Variants in SOX6 observed in about 807,000 individuals in gnomAD.
SOX6 encodes the protein SRY-box transcription factor 6.
A neutral mutation model predicts 97.8 loss-of-function variants in SOX6; 11 were observed. That is an observed-to-expected ratio of 0.11 (90% CI 0.07 to 0.19). The LOEUF is 0.19. Among genes scored for constraint, SOX6 ranks in the 10% least tolerant of loss-of-function variants. SOX6 has a pLI of 1.00. For missense variants in SOX6, 810 were observed against 1,039.5 expected, an observed-to-expected ratio of 0.78 and a Z score of 3.04; for synonymous variants, 360 against 371.4, an observed-to-expected ratio of 0.97 and a Z score of 0.35.
At chr11:16,349,203 GATTTAAGACATTCAA>G (rs1404734989) in intron 1 of SOX6, among the ~76,000 whole-genome samples, 1 of 152,072 alleles carries the variant, frequency 6.6e-6, no homozygotes, top group African/African-American at 2.4e-5. Context: ...ACTAACTCAA[GATTTAAGACATTCAA>G]ATTTATATCA....
chr11:16,708,231 C>G (rs146344668), intron 3 of SOX6, among the ~76,000 whole-genome samples: 2 of 152,074 alleles, frequency 1.3e-5, no homozygotes, highest in Non-Finnish European at 2.9e-5. Flanking sequence ...ATTGATCTTA[C>G]GTTTGTTTAT....
rs115171160 is a variant in SOX6, at chr11:16,123,594, G to C, written c.778-11671C>G. On this transcript the variant is annotated intron_variant, in intron 6 of 15. Transcript: ENST00000683767. Reference sequence around the variant, plus strand: ...TCTTTATCACAGTCTCGTCATTTTAGAGTACAAAGCTAATGACATGCACAG... The same window carrying C: ...TCTTTATCACAGTCTCGTCATTTTACAGTACAAAGCTAATGACATGCACAG... Among the ~76,000 whole-genome samples, 231 of 152,090 alleles carry C rather than the reference G, an allele frequency of 1.5e-3. 1 individual carries two copies. Among genetic ancestry groups the C allele is most frequent in the African/African-American group, 5.2e-3 (214 of 41,522 alleles).
At chr11:16,038,571 A>G (rs1855576290) in intron 12 of SOX6, among the ~76,000 whole-genome samples, 2 of 152,302 alleles carry the variant, frequency 1.3e-5, no homozygotes, top group South Asian at 2.1e-4. Context: ...AAATCATTTA[A>G]TTCTCAAATC....
At chr11:16,673,356 T>G (rs1211659877) in intron 3 of SOX6, among the ~76,000 whole-genome samples, 1 of 152,026 alleles carries the variant, frequency 6.6e-6, no homozygotes, top group Non-Finnish European at 1.5e-5. Flanking sequence ...TTGACAAATC[T>G]TTAGCCAGAC....
intron 13 of SOX6, among the ~76,000 whole-genome samples, chr11:16,009,871 G>A (rs544837151): frequency 6.6e-5 from 10 of 152,014 alleles, no homozygotes; most frequent in East Asian, 3.9e-4. Flanking sequence ...TGAATGAGTC[G>A]TGTATCATAG....
chr11:16,293,299 A>AT (rs1377786876), intron 3 of SOX6, among the ~76,000 whole-genome samples: 1 of 152,154 alleles, frequency 6.6e-6, no homozygotes, highest in African/African-American at 2.4e-5. Flanking sequence ...AGACACCGGA[A>AT]TTTAACTGTT....
At chr11:16,653,034 T>C (rs1847674148) in intron 3 of SOX6, among the ~76,000 whole-genome samples, 1 of 152,094 alleles carries the variant, frequency 6.6e-6, no homozygotes, top group Non-Finnish European at 1.5e-5. Context: ...TCACTAATTA[T>C]CAGGGAAATA....
At chr11:16,481,802 G>A (rs1860347714) in intron 4 of SOX6, among the ~76,000 whole-genome samples, 1 of 151,964 alleles carries the variant, frequency 6.6e-6, no homozygotes, top group Non-Finnish European at 1.5e-5. Context: ...ATTATTGAGG[G>A]TCACAAAGAG....
intron 3 of SOX6, among the ~76,000 whole-genome samples, chr11:16,650,182 A>C: frequency 6.6e-6 from 1 of 152,192 alleles, no homozygotes; most frequent in South Asian, 2.1e-4. Flanking sequence ...ACACACTAAT[A>C]GTGGGGGACT....
chr11:16,528,227 T>A (rs538658405), intron 4 of SOX6, among the ~76,000 whole-genome samples: 1 of 152,224 alleles, frequency 6.6e-6, no homozygotes, highest in East Asian at 1.9e-4. Context: ...AAGGAGGAAA[T>A]ATACTTACTC....
At chr11:16,088,112 T>C (rs780344980) in intron 9 of SOX6, among the ~76,000 whole-genome samples, 5 of 152,212 alleles carry the variant, frequency 3.3e-5, no homozygotes, top group Non-Finnish European at 7.4e-5. Flanking sequence ...TGTGTTAATT[T>C]GCTTGCAAAC....
intron 2 of SOX6, among the ~76,000 whole-genome samples, chr11:16,330,921 G>GA (rs1229754974): frequency 6.6e-6 from 1 of 151,804 alleles, no homozygotes; most frequent in Non-Finnish European, 1.5e-5. Context: ...GATAAAAAAA[G>GA]AAAAAAAGGA....
chr11:15,988,769 C>T (rs772604771), intron 14 of SOX6, among the ~76,000 whole-genome samples: 3 of 152,242 alleles, frequency 2.0e-5, no homozygotes, highest in Admixed American at 6.5e-5. Context: ...GACAGTCCTG[C>T]CCTGGCACCT....
chr11:16,027,457 C>T (rs1181795800), intron 12 of SOX6, among the ~76,000 whole-genome samples: 3 of 152,144 alleles, frequency 2.0e-5, no homozygotes, highest in South Asian at 2.1e-4. Flanking sequence ...TTAGTTTTTA[C>T]TGATACCTAA....
At chr11:16,592,771 C>A (rs1055405409) in intron 4 of SOX6, among the ~76,000 whole-genome samples, 2 of 151,932 alleles carry the variant, frequency 1.3e-5, no homozygotes, top group Admixed American at 6.6e-5. Flanking sequence ...AGAATAACAG[C>A]CCAAAGATGT....
intron 4 of SOX6, among the ~76,000 whole-genome samples, chr11:16,545,503 A>C (rs1301485499): frequency 1.3e-5 from 2 of 152,228 alleles, no homozygotes; most frequent in African/African-American, 4.8e-5. Flanking sequence ...AGATAACATC[A>C]TTCTGAATGG....
chr11:16,151,941 A>G lies in SOX6; in HGVS notation c.777+31945T>C, dbSNP rs1850469315. ...AGAACTTTATTTTGTATATCTGGCA[A>G]TTAGTCAAAATAACAACAGTTAAAG... On this transcript the variant is annotated intron_variant, in intron 6 of 15. Transcript: ENST00000683767. Among the ~76,000 whole-genome samples the G allele has an allele frequency of 2.0e-5, 3 of 152,334 alleles. No homozygotes were observed. In the South Asian group the frequency reaches 6.2e-4, roughly 32 times the overall value.
At chr11:16,574,436 G>GA (rs1378296997) in intron 4 of SOX6, among the ~76,000 whole-genome samples, 1 of 151,614 alleles carries the variant, frequency 6.6e-6, no homozygotes, top group African/African-American at 2.4e-5. Flanking sequence ...TCCATAAGAG[G>GA]AAAAAAAGAA....
upstream of SOX6, among the ~76,000 whole-genome samples, chr11:16,478,183 G>C (rs796753182): frequency 3.3e-5 from 5 of 152,280 alleles, no homozygotes; most frequent in African/African-American, 1.2e-4. Flanking sequence ...AATTCTAGAA[G>C]AATCCGAAAG....
Sources: gnomAD v4.1 joint callset for allele counts (sites outside exome capture counted in the v4.1 genomes callset) on GRCh38, gnomAD v4.1.1 for gene constraint, MANE v1.5 for transcripts, NCBI Gene and HGNC (gene_info 2026-07-23, HGNC 2026-07-21) for gene names.